The following NCKAP5 variants were observed in gnomAD, a reference collection of about 807,000 sequenced individuals.
NCKAP5 encodes nck-associated protein 5.
Under a neutral mutation model 167.0 loss-of-function variants are expected in NCKAP5, and 92 were observed. That is an observed-to-expected ratio of 0.55 (90% CI 0.47 to 0.66). The LOEUF (loss-of-function observed/expected upper bound fraction) is 0.66, where lower values mean the gene tolerates loss of function less well. NCKAP5 is among the 30% of genes least tolerant of loss of function. The probability of loss-of-function intolerance (pLI) is 0.00; values close to 1 mark genes in which losing one functional copy is unlikely to be tolerated. For missense variants in NCKAP5, 2,378 were observed against 2,315.0 expected (o/e 1.03, Z -0.56); for synonymous variants, 891 against 877.4 (o/e 1.02, Z -0.27).
intron 19 of NCKAP5, among the ~76,000 whole-genome samples, chr2:132,691,739 C>A (rs111377311): frequency 0.016 from 2,380 of 152,208 alleles, 49 homozygotes; most frequent in African/African-American, 0.052. Context: ...ATAAGATAAA[C>A]CCCTCCCTGA....
chr2:133,643,377 T>C, the NCKAP5 span, among the ~76,000 whole-genome samples: 1 of 152,140 alleles, frequency 6.6e-6, no homozygotes, highest in Non-Finnish European at 1.5e-5. Flanking sequence ...ACCCCACAAC[T>C]CTTCTCTGAC....
At position 133,438,526 on chromosome 2, in the gene NCKAP5, A is replaced by G. The variant is rs558683742; in HGVS notation, c.69+78932T>C. On this transcript the variant is annotated intron_variant, in intron 3 of 19. Coordinates refer to ENST00000409261, the MANE Select transcript of NCKAP5 (RefSeq NM_207363.3). ...AATACAGAGCTGTAGATAACTTCGC[A>G]TAAAGTATAATAAGAGATATTTCAT... Among the ~76,000 whole-genome samples, 61 of 152,362 alleles carry G rather than the reference A, an allele frequency of 4.0e-4. 1 individual carries two copies. The South Asian group carries it at 8.9e-3, about 22-fold the overall frequency.
chr2:132,847,267 G>A (rs1688732080), intron 11 of NCKAP5, among the ~76,000 whole-genome samples: 1 of 152,154 alleles, frequency 6.6e-6, no homozygotes, highest in South Asian at 2.1e-4. Context: ...GTTATTATTG[G>A]TAGTGCAATA....
At chr2:133,287,378 G>A (rs1052403264) in intron 4 of NCKAP5, among the ~76,000 whole-genome samples, 2 of 152,120 alleles carry the variant, frequency 1.3e-5, no homozygotes, top group Admixed American at 1.3e-4. Flanking sequence ...AGAGAAACAA[G>A]AAAATCAATT....
chr2:133,280,949 T>C (rs1239374714), intron 4 of NCKAP5, among the ~76,000 whole-genome samples: 2 of 152,336 alleles, frequency 1.3e-5, no homozygotes, highest in Non-Finnish European at 1.5e-5. Flanking sequence ...TCTTACAAGA[T>C]GTCATAAACA....
At chr2:133,598,031 G>C in the NCKAP5 span, among the ~76,000 whole-genome samples, 2 of 152,172 alleles carry the variant, frequency 1.3e-5, no homozygotes, top group Admixed American at 6.5e-5. Flanking sequence ...GTGACTAAGA[G>C]CACAAACTTG....
chr2:133,278,579 A>G lies in NCKAP5; in HGVS notation c.143+24458T>C, dbSNP rs1382461715. ...TTACCATCTGCAAGTCCTTTTTGCC[A>G]TGTAAAGTAACATTTTTAAAAATTC... is the stretch of plus-strand genomic sequence containing the variant. On this transcript the variant is annotated intron_variant, in intron 4 of 19. Coordinates refer to ENST00000409261, the MANE Select transcript of NCKAP5 (RefSeq NM_207363.3). Among the ~76,000 whole-genome samples the G allele has an allele frequency of 4.6e-5, 7 of 152,320 alleles. No individual in the cohort carries two copies. The East Asian group carries it at 1.3e-3, about 29-fold the overall frequency.
chr2:133,394,788 G>A (rs913888292), intron 3 of NCKAP5, among the ~76,000 whole-genome samples: 1 of 152,130 alleles, frequency 6.6e-6, no homozygotes, highest in Non-Finnish European at 1.5e-5. Flanking sequence ...GAAGACAAAA[G>A]TAAAATGTCC....
chr2:133,476,269 CAA>C (rs1679879200), intron 3 of NCKAP5, among the ~76,000 whole-genome samples: 1 of 152,186 alleles, frequency 6.6e-6, no homozygotes, highest in South Asian at 2.1e-4. Context: ...GTGTGCAATG[CAA>C]AGTCAGGTTG....
At chr2:133,615,518 A>G in the NCKAP5 span, among the ~76,000 whole-genome samples, 1 of 152,248 alleles carries the variant, frequency 6.6e-6, no homozygotes, top group Non-Finnish European at 1.5e-5. Flanking sequence ...CTGATAAAAC[A>G]GACTTTAAAC....
At chr2:132,686,340 C>T (rs975151183) in intron 19 of NCKAP5, among the ~76,000 whole-genome samples, 2 of 152,170 alleles carry the variant, frequency 1.3e-5, no homozygotes, top group Non-Finnish European at 2.9e-5. Context: ...TTAGGATGGC[C>T]AACACCCTCT....
the NCKAP5 span, among the ~76,000 whole-genome samples, chr2:133,653,364 T>C: frequency 1.3e-5 from 2 of 152,172 alleles, no homozygotes; most frequent in African/African-American, 2.4e-5. Context: ...TTCAAATAAA[T>C]GGGAAGGTTC....
chr2:132,950,828 A>C (rs1163603875), intron 8 of NCKAP5, among the ~76,000 whole-genome samples: 2 of 152,204 alleles, frequency 1.3e-5, no homozygotes, highest in Non-Finnish European at 2.9e-5. Flanking sequence ...TGATCATCTT[A>C]GTATTTTATG....
chr2:133,177,004 G>T (rs753916444), intron 5 of NCKAP5, among the ~76,000 whole-genome samples: 12 of 152,102 alleles, frequency 7.9e-5, no homozygotes, highest in Admixed American at 3.3e-4. Flanking sequence ...ATAAAGTTAA[G>T]AAATCAGTGA....
intron 8 of NCKAP5, among the ~76,000 whole-genome samples, chr2:132,934,345 G>A (rs1241959471): frequency 6.6e-6 from 1 of 152,192 alleles, no homozygotes; most frequent in Non-Finnish European, 1.5e-5. Context: ...GATCCAGGCA[G>A]GTGGATCACT....
At chr2:132,862,815 A>ATTTAT (rs896029648) in intron 10 of NCKAP5, among the ~76,000 whole-genome samples, 7 of 150,406 alleles carry the variant, frequency 4.7e-5, no homozygotes, top group East Asian at 1.9e-4. Context: ...CTTTATTTTT[A>ATTTAT]TTTATTTTAT....
chr2:133,216,316 G>A (rs1259741815), intron 4 of NCKAP5, among the ~76,000 whole-genome samples: 5 of 152,022 alleles, frequency 3.3e-5, no homozygotes, highest in Non-Finnish European at 7.4e-5. Context: ...CAACAGCTGT[G>A]TAAGAATCCA....
chr2:133,097,205 G>A (rs1028188085), intron 6 of NCKAP5, among the ~76,000 whole-genome samples: 2 of 152,192 alleles, frequency 1.3e-5, no homozygotes, highest in Non-Finnish European at 2.9e-5. Context: ...CTTGGACTCC[G>A]AGATGATGGC....
chr2:132,755,823 T>G (rs1448759987), intron 16 of NCKAP5, among the ~76,000 whole-genome samples: 2 of 134,108 alleles, frequency 1.5e-5, no homozygotes, highest in Middle Eastern at 7.1e-3. Flanking sequence ...AGAGCGAGAT[T>G]CTGTCTCAGA....
Sources: gnomAD v4.1 joint callset for allele counts (sites outside exome capture counted in the v4.1 genomes callset) on GRCh38, gnomAD v4.1.1 for gene constraint, MANE v1.5 for transcripts, NCBI Gene and HGNC (gene_info 2026-07-23, HGNC 2026-07-21) for gene names.